GPN3: variants seen among roughly 807,000 people sequenced by gnomAD.
The protein encoded by GPN3 is ATP-binding domain 1 family member C.
In GPN3, 31 loss-of-function variants were observed where a neutral mutation model predicts 38.7. The observed-to-expected ratio is 0.80, with a 90% CI of 0.60 to 1.08. GPN3 has a LOEUF of 1.08. Ranked by LOEUF, GPN3 falls within the 50% of genes least tolerant of loss-of-function variation. The probability of loss-of-function intolerance (pLI) is 0.00; values close to 1 mark genes in which losing one functional copy is unlikely to be tolerated. For missense variants in GPN3, 301 were observed against 354.4 expected (o/e 0.85, Z 1.21); for synonymous variants, 116 against 120.2 (o/e 0.96, Z 0.23).
intron 2 of GPN3, among the ~76,000 whole-genome samples, chr12:110,463,491 C>T (rs542783573): frequency 6.6e-6 from 1 of 150,526 alleles, no homozygotes; most frequent in Non-Finnish European, 1.5e-5. Flanking sequence ...AAAAAAAGGC[C>T]GGATGCAGTG....
chr12:110,462,937 T>C (rs2062600703), intron 2 of GPN3, among the ~76,000 whole-genome samples: 1 of 151,962 alleles, frequency 6.6e-6, no homozygotes. Flanking sequence ...TTTGTATTTT[T>C]AGTAGAGACG....
chr12:110,458,296 T>C lies in GPN3; in HGVS notation c.326-662A>G, dbSNP rs1483985085. ...AGGACTTTGAGAGCAGCCTGAGCAA[T>C]ATAGTGAGATCCTATCTCTACAAAA... On this transcript the variant is annotated intron_variant, in intron 3 of 7. Transcript: ENST00000228827. This position sits in a 1 kb window ranked among gnomAD's most constrained non-coding sequence, Gnocchi z 4.4. Among the ~76,000 whole-genome samples the C allele has an allele frequency of 1.3e-5, 2 of 151,992 alleles. No homozygotes were observed. The highest frequency in any genetic ancestry group is 2.1e-4 in the South Asian group (1 of 4,822).
Position 110,454,540 on chromosome 12 carries a change from C to T in GPN3, c.664-669G>A, listed in dbSNP as rs534795216. On this transcript the variant is annotated intron_variant, in intron 6 of 7. Coordinates refer to ENST00000228827, the MANE Select transcript of GPN3 (RefSeq NM_016301.4). ...GCTAATTTTGTATTTTTAGTACAGA[C>T]GGGGTTTCACCATGTTGGTCAGCCT... 7.9e-5 allele frequency among the ~76,000 whole-genome samples: 12 copies of T among 151,900 alleles called. No homozygotes were observed. In the South Asian group the frequency reaches 1.5e-3, roughly 18 times the overall value.
chr12:110,460,508 TAGA>T (rs2062579124), intron 2 of GPN3, among the ~76,000 whole-genome samples: 2 of 152,314 alleles, frequency 1.3e-5, no homozygotes, highest in South Asian at 4.1e-4. Flanking sequence ...TATCCTGGGT[TAGA>T]AGGATGAGAA....
At chr12:110,464,659 C>G (rs2062614119) in intron 2 of GPN3, 1 of 153,212 alleles carries the variant, frequency 6.5e-6, no homozygotes, top group Admixed American at 6.6e-5. Context: ...GTGGCGCAAT[C>G]TCGGCTCACT....
intron 2 of GPN3, chr12:110,464,883 G>A (rs2062616288): frequency 1.8e-5 from 9 of 506,692 alleles, no homozygotes; most frequent in South Asian, 7.1e-5. Flanking sequence ...ATGAGCCTCC[G>A]CGCCCGGCCC....
chr12:110,459,036 C>T (rs1208139459), intron 3 of GPN3, among the ~76,000 whole-genome samples: 2 of 152,098 alleles, frequency 1.3e-5, no homozygotes, highest in African/African-American at 4.8e-5. Context: ...CCTCTCTAAC[C>T]GCCATTATCT....
At chr12:110,463,760 G>A (rs1565845402) in intron 2 of GPN3, among the ~76,000 whole-genome samples, 2 of 150,432 alleles carry the variant, frequency 1.3e-5, no homozygotes, top group South Asian at 4.2e-4. Flanking sequence ...TCCAGCCTGG[G>A]CGACAGAGCT....
chr12:110,457,996 G>A (rs889331031), intron 3 of GPN3, among the ~76,000 whole-genome samples: 7 of 152,022 alleles, frequency 4.6e-5, no homozygotes, highest in African/African-American at 1.7e-4. Context: ...CAGGCGTGGT[G>A]GTGCGCGCCT....
chr12:110,468,049 G>A, intron 1 of GPN3, 107 bp downstream of exon 1: 2 of 1,464,626 alleles, frequency 1.4e-6, no homozygotes, highest in South Asian at 2.3e-5. Context: ...GTTGCGTGGG[G>A]TCTCAGGGTT....
At chr12:110,453,719 C>T in intron 7 of GPN3, 24 bp downstream of exon 7, 1 of 1,594,352 alleles carries the variant, frequency 6.3e-7, no homozygotes, top group Non-Finnish European at 8.6e-7. Context: ...CAAAAGCTAA[C>T]AAACACCCCA....
chr12:110,459,311 G>T (rs903804415), intron 3 of GPN3, among the ~76,000 whole-genome samples: 1 of 151,448 alleles, frequency 6.6e-6, no homozygotes, highest in Non-Finnish European at 1.5e-5. Context: ...TACAATCTTG[G>T]CTCACTGCAA....
At chr12:110,454,693 T>A (rs1037303008) in intron 6 of GPN3, among the ~76,000 whole-genome samples, 25 of 151,886 alleles carry the variant, frequency 1.6e-4, no homozygotes, top group African/African-American at 6.0e-4. Flanking sequence ...AGGGTTTCTC[T>A]GCTGCCTAGG....
At chr12:110,455,979 T>TCAG in intron 4 of GPN3, 49 bp from the exon 5 acceptor site, 2 of 948,896 alleles carry the variant, frequency 2.1e-6, no homozygotes, top group Non-Finnish European at 3.5e-6. Context: ...TTGCCAACAG[T>TCAG]TACCTGGTCT....
chr12:110,459,962 C>T (rs1004981077), intron 2 of GPN3, 100 bp from the exon 3 acceptor site: 5 of 932,460 alleles, frequency 5.4e-6, no homozygotes, highest in African/African-American at 1.7e-5. Context: ...ATAAAAAACC[C>T]ATATGCAGGA....
chr12:110,466,873 C>T (rs2062632733), intron 1 of GPN3, among the ~76,000 whole-genome samples: 1 of 152,092 alleles, frequency 6.6e-6, no homozygotes, highest in Non-Finnish European at 1.5e-5. Flanking sequence ...AAGTTAAAGG[C>T]CATAGGTATC....
rs1186363010 is a variant in GPN3, at chr12:110,459,856, C to T, written c.164G>A (p.Arg55Gln). 11 of 1,613,624 alleles carry T rather than the reference C, an allele frequency of 6.8e-6. No individual in the cohort carries two copies. The highest frequency in any genetic ancestry group is 1.7e-4 in the Middle Eastern group (1 of 6,060). ...HFNYSVMADI[R>Q]ELIEVDDVME... ...TACATCATCCACCTCGATCAGTTCC[C>T]GGATGTCTGAAAAGGACAGATAGGG... Residue 55 changes from arginine to glutamine, a missense_variant, in exon 3 of 8, where the codon CGG (arginine) becomes CAG (glutamine). Physicochemically the swap from Arg to Gln is conservative, Grantham distance 43. Coordinates refer to ENST00000228827, the MANE Select transcript of GPN3 (RefSeq NM_016301.4).
intron 4 of GPN3, among the ~76,000 whole-genome samples, chr12:110,456,347 A>AG (rs2062549860): frequency 6.6e-6 from 1 of 151,624 alleles, no homozygotes; most frequent in South Asian, 2.1e-4. Context: ...AAAAAAAAAA[A>AG]AAAGAAATGC....
At chr12:110,464,984 C>A in intron 2 of GPN3, 122 bp downstream of exon 2, 1 of 689,422 alleles carries the variant, frequency 1.5e-6, no homozygotes, top group South Asian at 1.6e-5. Flanking sequence ...CAAGCTCATG[C>A]TATTTACCAT....
Sources: gnomAD v4.1 joint callset for allele counts (sites outside exome capture counted in the v4.1 genomes callset) on GRCh38, gnomAD v4.1.1 for gene constraint, Gnocchi (gnomAD v3.1) non-coding constraint, MANE v1.5 for transcripts, NCBI Gene and HGNC (gene_info 2026-07-23, HGNC 2026-07-21) for gene names.